Variants in ENTHD1 observed in about 807,000 individuals in gnomAD.
ENTHD1 encodes ENTH domain containing 1, also known as ENTH domain-containing protein 1.
In ENTHD1, 23 loss-of-function variants were observed where a neutral mutation model predicts 39.1. That is an observed-to-expected ratio of 0.59 (90% CI 0.42 to 0.83). ENTHD1 has a LOEUF of 0.83. ENTHD1 is among the 40% of genes least tolerant of loss of function. ENTHD1 has a pLI of 0.00. For synonymous variants in ENTHD1, 230 were observed against 258.2 expected (o/e 0.89, Z 1.05); for missense variants, 624 against 705.4 (o/e 0.88, Z 1.31).
intron 5 of ENTHD1, among the ~76,000 whole-genome samples, chr22:39,801,376 A>T (rs1342861164): frequency 6.6e-6 from 1 of 152,060 alleles, no homozygotes; most frequent in Admixed American, 6.5e-5. Context: ...TTGCATGTGG[A>T]TCCAACAATA....
At chr22:39,853,932 T>G (rs187645261) in intron 3 of ENTHD1, among the ~76,000 whole-genome samples, 3 of 152,232 alleles carry the variant, frequency 2.0e-5, no homozygotes, top group African/African-American at 7.2e-5. Flanking sequence ...TAAGGAAGAT[T>G]AGTAAAAATA....
Position 39,821,097 on chromosome 22 carries a change from A to C in ENTHD1, c.728T>G (p.Leu243Trp). 1.2e-6 allele frequency: 2 copies of C among 1,613,962 alleles called. No homozygotes were observed. The highest frequency in any genetic ancestry group is 1.7e-6 in the Non-Finnish European group (2 of 1,179,866). ...TAAAGGCAGCTCTGGATCATCATCCAAAAATGTCATCAGGTCCTGACAGAA... is the reference window on the plus strand; with the variant it reads ...TAAAGGCAGCTCTGGATCATCATCCCAAAATGTCATCAGGTCCTGACAGAA... ...WKSTEDLMTF[L>W]DDDPELPLLA... The change falls in exon 5 of 7, where the codon TTG (leucine) becomes TGG (tryptophan). Residue 243 changes from leucine (L) to tryptophan (W), a missense_variant. By Grantham distance (61) the Leu-to-Trp change is moderately conservative. Transcript: ENST00000325157.
intron 5 of ENTHD1, among the ~76,000 whole-genome samples, chr22:39,770,886 T>G (rs2065316221): frequency 6.6e-6 from 1 of 152,108 alleles, no homozygotes; most frequent in South Asian, 2.1e-4. Context: ...CCAGAATTGT[T>G]TTAGATTTTG....
At chr22:39,799,763 G>A (rs2065583632) in intron 5 of ENTHD1, among the ~76,000 whole-genome samples, 1 of 152,152 alleles carries the variant, frequency 6.6e-6, no homozygotes, top group African/African-American at 2.4e-5. Context: ...GCATGTTTAG[G>A]CAAGCCTCCT....
Position 39,743,525 on chromosome 22 carries a change from A to T in ENTHD1, c.*154T>A. On this transcript the variant is annotated 3_prime_UTR_variant, in exon 7 of 7. Transcript: ENST00000325157. Reference sequence around the variant, plus strand: ...TTAAAAAATAAACCACCCAAATGAAAGTATTAGTTTGAAAGATACTTGCTA... The same window carrying T: ...TTAAAAAATAAACCACCCAAATGAATGTATTAGTTTGAAAGATACTTGCTA... 1 of 815,862 alleles carries T rather than the reference A, an allele frequency of 1.2e-6. No homozygotes were observed. Among genetic ancestry groups the T allele is most frequent in the Non-Finnish European group, 1.8e-6 (1 of 562,162 alleles). 50.5% of individuals were successfully genotyped at this position (815,862 alleles called of 1,614,324 possible).
intron 3 of ENTHD1, among the ~76,000 whole-genome samples, chr22:39,837,305 C>T (rs763128512): frequency 1.3e-5 from 2 of 152,256 alleles, no homozygotes; most frequent in Non-Finnish European, 1.5e-5. Context: ...TTTCCAGATC[C>T]GCAACTTCCA....
intron 5 of ENTHD1, among the ~76,000 whole-genome samples, chr22:39,766,990 T>C (rs1298006119): frequency 1.7e-4 from 26 of 152,202 alleles, no homozygotes; most frequent in Admixed American, 1.7e-3. Flanking sequence ...TATCTTCACA[T>C]GTCCTGTTTG....
At chr22:39,791,383 C>T (rs1234210779) in intron 5 of ENTHD1, among the ~76,000 whole-genome samples, 1 of 150,696 alleles carries the variant, frequency 6.6e-6, no homozygotes, top group Non-Finnish European at 1.5e-5. Flanking sequence ...GATTAGACTT[C>T]ATATCTTTAA....
intron 4 of ENTHD1, 60 bp downstream of exon 4, chr22:39,835,779 GT>G: frequency 8.0e-7 from 1 of 1,257,098 alleles, no homozygotes; most frequent in South Asian, 1.4e-5. Context: ...AAATTTGTTT[GT>G]TTTAAGGCAC....
intron 4 of ENTHD1, among the ~76,000 whole-genome samples, chr22:39,826,788 A>C (rs1347780154): frequency 6.6e-6 from 1 of 151,768 alleles, no homozygotes; most frequent in East Asian, 1.9e-4. Flanking sequence ...ATAAGGAGAA[A>C]TCTCCGTAGC....
At chr22:39,772,732 A>G (rs780406653) in intron 5 of ENTHD1, among the ~76,000 whole-genome samples, 5 of 152,318 alleles carry the variant, frequency 3.3e-5, no homozygotes, top group South Asian at 2.1e-4. Flanking sequence ...GCTGTATACA[A>G]GAGACACCCT....
At chr22:39,802,098 ATT>A (rs1388443558) in intron 5 of ENTHD1, among the ~76,000 whole-genome samples, 11 of 152,128 alleles carry the variant, frequency 7.2e-5, no homozygotes, top group African/African-American at 2.7e-4. Context: ...CCCCAAACCT[ATT>A]CTCTCCTCCA....
At chr22:39,774,558 A>G (rs2065352262) in intron 5 of ENTHD1, among the ~76,000 whole-genome samples, 3 of 152,154 alleles carry the variant, frequency 2.0e-5, no homozygotes, top group South Asian at 4.1e-4. Context: ...AACTTCTAAG[A>G]GGTCTCTCCA....
chr22:39,786,191 C>T (rs2065456339), intron 5 of ENTHD1, among the ~76,000 whole-genome samples: 1 of 152,108 alleles, frequency 6.6e-6, no homozygotes, highest in African/African-American at 2.4e-5. Context: ...TTCTCATTAG[C>T]TTTCTCCCCC....
At chr22:39,785,103 C>T (rs2065444469) in intron 5 of ENTHD1, among the ~76,000 whole-genome samples, 1 of 151,702 alleles carries the variant, frequency 6.6e-6, no homozygotes, top group African/African-American at 2.4e-5. Flanking sequence ...AACAGATTAA[C>T]CCCAGTTGAA....
chr22:39,781,390 C>T (rs906540292), intron 5 of ENTHD1, among the ~76,000 whole-genome samples: 2 of 152,002 alleles, frequency 1.3e-5, no homozygotes, highest in African/African-American at 4.8e-5. Flanking sequence ...GGAAATTAAA[C>T]GACATGCTCC....
In ENTHD1 at chr22:39,869,983, CTTTATTTA is replaced by C. The variant is rs137943; in HGVS notation, c.350-7984_350-7977del. On this transcript the variant is annotated intron_variant, in intron 2 of 6. Coordinates refer to ENST00000325157, the MANE Select transcript of ENTHD1 (RefSeq NM_152512.4). ...TAGATTTGGTAATTGGAGAACAGTA[CTTTATTTA>C]TTTATTTATTTATTTATTTATTTAT... Among the ~76,000 whole-genome samples, 1,391 of 140,698 alleles carry C rather than the reference CTTTATTTA, an allele frequency of 9.9e-3. 14 individuals carry two copies. Among genetic ancestry groups the C allele is most frequent in the Middle Eastern group, 0.014 (4 of 282 alleles). 92.3% of individuals were successfully genotyped at this position (140,698 alleles called of 152,430 possible). A position where few individuals can be genotyped will look rare whatever the true frequency, so the allele number is the denominator to read the frequency against.
At chr22:39,824,470 A>G (rs938539230) in intron 4 of ENTHD1, among the ~76,000 whole-genome samples, 1 of 151,784 alleles carries the variant, frequency 6.6e-6, no homozygotes, top group Non-Finnish European at 1.5e-5. Flanking sequence ...CAGCCTCCCA[A>G]AGTGCGGGGA....
intron 4 of ENTHD1, among the ~76,000 whole-genome samples, chr22:39,823,436 C>G (rs2065798088): frequency 6.6e-6 from 1 of 152,110 alleles, no homozygotes; most frequent in Non-Finnish European, 1.5e-5. Context: ...CCTCAACTTC[C>G]CAGGCTCAAG....
Sources: gnomAD v4.1 joint callset for allele counts (sites outside exome capture counted in the v4.1 genomes callset) on GRCh38, gnomAD v4.1.1 for gene constraint, MANE v1.5 for transcripts, NCBI Gene and HGNC (gene_info 2026-07-23, HGNC 2026-07-21) for gene names.